The following SCN11A variants were observed in gnomAD, a reference collection of about 807,000 sequenced individuals.
SCN11A encodes sodium voltage-gated channel alpha subunit 11, also known as sodium channel protein type 11 subunit alpha.
SCN11A carries 122 observed loss-of-function variants against 162.2 expected under a neutral mutation model. The ratio of observed to expected loss-of-function variants is 0.75; its 90% CI spans 0.65 to 0.87. The LOEUF is 0.87. SCN11A is among the 40% of genes least tolerant of loss of function. The pLI, the probability that SCN11A is intolerant of heterozygous loss-of-function variation, is 0.00. For synonymous variants in SCN11A, 758 were observed against 751.5 expected (o/e 1.01, Z -0.14); for missense variants, 2,015 against 2,181.6 (o/e 0.92, Z 1.52).
chr3:39,046,196 G>A (rs916603772), intron 1 of SCN11A, among the ~76,000 whole-genome samples: 2 of 151,824 alleles, frequency 1.3e-5, no homozygotes, highest in African/African-American at 4.8e-5. Context: ...GGAGGTGGAG[G>A]TTGCAGTGAG....
chr3:38,889,664 G>C (rs1040089671), intron 19 of SCN11A, among the ~76,000 whole-genome samples: 2 of 151,278 alleles, frequency 1.3e-5, no homozygotes, highest in African/African-American at 4.9e-5. Context: ...GCCGAGTGTG[G>C]TGGCCGGCGC....
intron 12 of SCN11A, 56 bp downstream of exon 12, chr3:38,910,010 G>T: frequency 1.3e-6 from 2 of 1,530,088 alleles, no homozygotes; most frequent in Non-Finnish European, 1.8e-6. Context: ...GATAGAGGGG[G>T]AAGGAAAAGG....
At chr3:38,893,191 A>G (rs539839283) in intron 19 of SCN11A, among the ~76,000 whole-genome samples, 2 of 152,298 alleles carry the variant, frequency 1.3e-5, no homozygotes, top group African/African-American at 4.8e-5. Context: ...GCAAACAGCA[A>G]CCATAAAAGA....
chr3:38,938,745 G>A (rs2066394703), intron 7 of SCN11A, among the ~76,000 whole-genome samples: 1 of 150,500 alleles, frequency 6.6e-6, no homozygotes, highest in Non-Finnish European at 1.5e-5. Context: ...TGTATTCTTA[G>A]TAGAGACGCG....
At chr3:38,861,361 C>T (rs1279288649) in intron 28 of SCN11A, among the ~76,000 whole-genome samples, 1 of 151,980 alleles carries the variant, frequency 6.6e-6, no homozygotes, top group Non-Finnish European at 1.5e-5. Context: ...CAAAATACCA[C>T]CGTCATCCTT....
chr3:38,917,883 C>A (rs2065984570), intron 11 of SCN11A, among the ~76,000 whole-genome samples: 1 of 152,094 alleles, frequency 6.6e-6, no homozygotes, highest in Non-Finnish European at 1.5e-5. Flanking sequence ...CCAAGTACCA[C>A]CTGTTCCCCC....
At chr3:38,938,860 C>T (rs572953043) in intron 7 of SCN11A, among the ~76,000 whole-genome samples, 4 of 151,698 alleles carry the variant, frequency 2.6e-5, no homozygotes, top group East Asian at 3.9e-4. Flanking sequence ...CCACGGCGCC[C>T]GGCCAAAAAT....
chr3:38,861,023 G>A (rs1559491714), intron 28 of SCN11A, among the ~76,000 whole-genome samples: 1 of 152,112 alleles, frequency 6.6e-6, no homozygotes, highest in Non-Finnish European at 1.5e-5. Flanking sequence ...TCCTAGATCT[G>A]ATAAATAAAT....
At chr3:38,973,181 A>G (rs1467153814) in intron 2 of SCN11A, among the ~76,000 whole-genome samples, 1 of 152,222 alleles carries the variant, frequency 6.6e-6, no homozygotes, top group East Asian at 1.9e-4. Context: ...TTTTCTAAAC[A>G]ATATTTAAAT....
chr3:38,906,280 A>G (rs2065790641), intron 14 of SCN11A, among the ~76,000 whole-genome samples: 1 of 152,124 alleles, frequency 6.6e-6, no homozygotes, highest in Non-Finnish European at 1.5e-5. Context: ...TTTTCTCTGG[A>G]CAATTAAAAT....
At position 38,939,327 on chromosome 3, in the gene SCN11A, T is replaced by TA. The variant is rs201503094; in HGVS notation, c.488+6083dup. On this transcript the variant is annotated intron_variant, in intron 7 of 29. Coordinates refer to ENST00000302328, the MANE Select transcript of SCN11A (RefSeq NM_001349253.2). Reference sequence around the variant, plus strand: ...TTAAAATGGAATTTAAGATATAGTTTAAAAAAACATAAAAATAGGCAAGCC... The same window carrying TA: ...TTAAAATGGAATTTAAGATATAGTTTAAAAAAAACATAAAAATAGGCAAGCC... Among the ~76,000 whole-genome samples, 6 of 151,638 alleles carry TA rather than the reference T, an allele frequency of 4.0e-5. No homozygotes were observed. The East Asian group carries it at 9.7e-4, about 24-fold the overall frequency.
chr3:39,011,269 A>G (rs2031126062), intron 2 of SCN11A, among the ~76,000 whole-genome samples: 1 of 152,254 alleles, frequency 6.6e-6, no homozygotes, highest in African/African-American at 2.4e-5. Context: ...TGGCCTAAAA[A>G]GGTGGGATAT....
chr3:38,961,021 T>C (rs1332175543), intron 2 of SCN11A, among the ~76,000 whole-genome samples: 1 of 152,268 alleles, frequency 6.6e-6, no homozygotes, highest in Non-Finnish European at 1.5e-5. Context: ...CTGGGGAAAA[T>C]TTAAGTCTCC....
At chr3:39,038,895 T>A (rs939871398) in intron 1 of SCN11A, among the ~76,000 whole-genome samples, 1 of 152,216 alleles carries the variant, frequency 6.6e-6, no homozygotes, top group Non-Finnish European at 1.5e-5. Flanking sequence ...CCCCTGATCA[T>A]AAGGCCTTCC....
chr3:38,972,624 A>G (rs1447426485), intron 2 of SCN11A, among the ~76,000 whole-genome samples: 2 of 152,204 alleles, frequency 1.3e-5, no homozygotes, highest in South Asian at 4.1e-4. Context: ...ACACACACAC[A>G]CGCACACACT....
At chr3:38,950,060 C>G (rs1559551754) in intron 5 of SCN11A, 36 bp downstream of exon 5, 3 of 87,858 alleles carry the variant, frequency 3.4e-5, no homozygotes, top group South Asian at 1.9e-4. Flanking sequence ...TTAGAACACC[C>G]CCACCCCCAC....
chr3:39,005,798 C>A (rs760679289), intron 2 of SCN11A, among the ~76,000 whole-genome samples: 14 of 152,224 alleles, frequency 9.2e-5, no homozygotes, highest in Non-Finnish European at 1.9e-4. Context: ...TTAAACATAA[C>A]AATGAGCTTT....
At chr3:38,868,204 A>G (rs1201875381) in intron 26 of SCN11A, among the ~76,000 whole-genome samples, 1 of 152,238 alleles carries the variant, frequency 6.6e-6, no homozygotes, top group Non-Finnish European at 1.5e-5. Context: ...CATCAAAGAT[A>G]TAAGTGCTGA....
chr3:38,893,402 A>G (rs915492992), intron 19 of SCN11A, among the ~76,000 whole-genome samples: 1 of 152,224 alleles, frequency 6.6e-6, no homozygotes, highest in African/African-American at 2.4e-5. Flanking sequence ...AGAAACAGAC[A>G]ATTCACAATA....
Sources: allele counts gnomAD v4.1 joint callset (sites outside exome capture counted in the v4.1 genomes callset), GRCh38; gene constraint gnomAD v4.1.1; transcripts MANE v1.5; gene names NCBI Gene and HGNC (gene_info 2026-07-23, HGNC 2026-07-21).